Variants in MFSD8 observed in about 807,000 individuals in gnomAD.
MFSD8 encodes the protein major facilitator superfamily domain containing 8, also known as major facilitator superfamily domain-containing protein 8.
MFSD8 carries 55 observed loss-of-function variants against 66.4 expected under a neutral mutation model. That is an observed-to-expected ratio of 0.83 (90% CI 0.67 to 1.04). The LOEUF (loss-of-function observed/expected upper bound fraction) is 1.04. Ranked by LOEUF, MFSD8 falls within the 50% of genes least tolerant of loss-of-function variation. The pLI, the probability that MFSD8 is intolerant of heterozygous loss-of-function variation, is 0.00. For synonymous variants in MFSD8, 202 were observed against 212.8 expected (o/e 0.95, Z 0.44); for missense variants, 550 against 627.6 (o/e 0.88, Z 1.32).
At chr4:127,930,539 A>G in intron 9 of MFSD8, 144 bp downstream of exon 9, 4 of 910,082 alleles carry the variant, frequency 4.4e-6, no homozygotes, top group Non-Finnish European at 6.6e-6. Context: ...ATGTATAGAA[A>G]TATGATAATC....
chr4:127,931,846 C>T (rs141358825), intron 8 of MFSD8, among the ~76,000 whole-genome samples: 3 of 152,270 alleles, frequency 2.0e-5, no homozygotes, highest in South Asian at 2.1e-4. Flanking sequence ...CGGAGGCTCA[C>T]GTCTGTAATC....
chr4:127,965,595 A>C (rs1044113644), upstream of MFSD8: 1 of 226,348 alleles, frequency 4.4e-6, no homozygotes, highest in African/African-American at 2.3e-5. Flanking sequence ...GCAGGCTTCC[A>C]CCTGGCGGCC....
At chr4:127,921,122 T>C (rs557118795) in intron 11 of MFSD8, 2 of 558,240 alleles carry the variant, frequency 3.6e-6, no homozygotes, top group East Asian at 6.1e-5. Flanking sequence ...TTGTACCTGC[T>C]ACATGCCAGT....
At chr4:127,958,339 G>A (rs1015798744) in intron 1 of MFSD8, among the ~76,000 whole-genome samples, 5 of 152,122 alleles carry the variant, frequency 3.3e-5, no homozygotes, top group African/African-American at 1.2e-4. Context: ...ACCTTAACGT[G>A]AGCATTATCT....
upstream of MFSD8, chr4:127,965,215 A>ACCCTGT: frequency 6.4e-7 from 1 of 1,564,950 alleles, no homozygotes; most frequent in East Asian, 2.3e-5. Context: ...GAAGCTGGCA[A>ACCCTGT]AACAAGCCTG....
intron 1 of MFSD8, among the ~76,000 whole-genome samples, chr4:127,958,930 T>C (rs1430252175): frequency 6.6e-6 from 1 of 152,236 alleles, no homozygotes. Context: ...GGATCATCAA[T>C]GGATGCTAAA....
chr4:127,960,246 C>G (rs114392982), intron 1 of MFSD8, among the ~76,000 whole-genome samples: 1 of 152,116 alleles, frequency 6.6e-6, no homozygotes, highest in African/African-American at 2.4e-5. Context: ...AATTTAACAA[C>G]GGCCAGGCGC....
At chr4:127,948,374 C>T (rs1001186331) in intron 3 of MFSD8, among the ~76,000 whole-genome samples, 3 of 152,156 alleles carry the variant, frequency 2.0e-5, no homozygotes, top group African/African-American at 7.2e-5. Flanking sequence ...AGAAGTAATG[C>T]AAGACCCCAA....
chr4:127,958,938 A>T (rs1339640782), intron 1 of MFSD8, among the ~76,000 whole-genome samples: 1 of 152,214 alleles, frequency 6.6e-6, no homozygotes, highest in Non-Finnish European at 1.5e-5. Context: ...AATGGATGCT[A>T]AAACAACTGA....
At chr4:127,933,400 C>T (rs1738500529) in intron 7 of MFSD8, 2 of 245,064 alleles carry the variant, frequency 8.2e-6, no homozygotes, top group Admixed American at 5.1e-5. Context: ...TGTACTACCA[C>T]GCCCAGCTAA....
At chr4:127,939,182 A>T (rs1176647057) in intron 6 of MFSD8, 4 of 167,452 alleles carry the variant, frequency 2.4e-5, no homozygotes, top group South Asian at 3.6e-4. Context: ...ATTTTAAAAA[A>T]TTTTTTCGAA....
chr4:127,933,208 T>C, intron 7 of MFSD8, 115 bp from the exon 8 acceptor site: 9 of 806,788 alleles, frequency 1.1e-5, no homozygotes, highest in Non-Finnish European at 1.6e-5. Context: ...TTTAAAAAAA[T>C]TTTTAGGCTT....
intron 9 of MFSD8, 74 bp downstream of exon 9, chr4:127,930,609 C>T: frequency 6.6e-7 from 1 of 1,503,930 alleles, no homozygotes; most frequent in Non-Finnish European, 9.2e-7. Context: ...CCTGGTATAT[C>T]CATTTGCATT....
At chr4:127,940,597 GAA>G (rs79410803) in intron 5 of MFSD8, among the ~76,000 whole-genome samples, 2 of 139,248 alleles carry the variant, frequency 1.4e-5, no homozygotes. Flanking sequence ...CAAGTAAAAT[GAA>G]AAAAAAAAAT....
chr4:127,930,831 A>G lies in MFSD8; in HGVS notation c.864-14T>C. 2 of 1,599,132 alleles carry G rather than the reference A, an allele frequency of 1.3e-6. No individual in the cohort carries two copies. The highest frequency in any genetic ancestry group is 1.1e-5 in the South Asian group (1 of 87,294). On this transcript the variant is annotated splice_polypyrimidine_tract_variant and intron_variant, in intron 8 of 11. Coordinates refer to ENST00000641686, the MANE Select transcript of MFSD8 (RefSeq NM_001371596.2). ...GGAGTAATGATGCTAAGAAAAAAAA[A>G]ATTATTCTTATTTTATTTAAATCAC...
chr4:127,929,322 C>CAAAAAAAAAAAAAAAAAAAAA (rs543453360), intron 9 of MFSD8, among the ~76,000 whole-genome samples: 1 of 30,364 alleles, frequency 3.3e-5, no homozygotes, highest in African/African-American at 1.8e-4. Context: ...GACTCCGTCA[C>CAAAAAAAAAAAAAAAAAAAAA]AAAAAAAAAA....
At chr4:127,922,720 A>G (rs1451404689) in intron 9 of MFSD8, among the ~76,000 whole-genome samples, 4 of 152,204 alleles carry the variant, frequency 2.6e-5, no homozygotes, top group Non-Finnish European at 4.4e-5. Context: ...AAACAAAAGA[A>G]AATAATCAAG....
intron 1 of MFSD8, among the ~76,000 whole-genome samples, chr4:127,963,930 G>C (rs1049749140): frequency 6.6e-5 from 10 of 152,210 alleles, no homozygotes; most frequent in African/African-American, 2.2e-4. Flanking sequence ...GGTTCTCCAC[G>C]TCCCCACTAG....
intron 2 of MFSD8, among the ~76,000 whole-genome samples, chr4:127,956,883 T>C (rs948614241): frequency 1.3e-5 from 2 of 152,050 alleles, no homozygotes; most frequent in African/African-American, 4.8e-5. Flanking sequence ...GGACTCTTAG[T>C]AGTTGTCTAG....
Sources: allele counts gnomAD v4.1 joint callset (sites outside exome capture counted in the v4.1 genomes callset), GRCh38; gene constraint gnomAD v4.1.1; transcripts MANE v1.5; gene names NCBI Gene and HGNC (gene_info 2026-07-23, HGNC 2026-07-21).